Variants in OSBPL8 observed in about 807,000 individuals in gnomAD.
The protein encoded by OSBPL8 is oxysterol-binding protein-related protein 8.
OSBPL8 carries 59 observed loss-of-function variants against 125.5 expected under a neutral mutation model. The ratio of observed to expected loss-of-function variants is 0.47; its 90% CI spans 0.38 to 0.58. OSBPL8 has a LOEUF of 0.58. OSBPL8 is among the 20% of genes least tolerant of loss of function. OSBPL8 has a pLI of 0.00. For synonymous variants in OSBPL8, 330 were observed against 338.9 expected, an observed-to-expected ratio of 0.97 and a Z score of 0.29; for missense variants, 758 against 1,047.8, an observed-to-expected ratio of 0.72 and a Z score of 3.82.
intron 1 of OSBPL8, among the ~76,000 whole-genome samples, chr12:76,535,055 G>A (rs1247262785): frequency 2.0e-5 from 3 of 148,380 alleles, no homozygotes; most frequent in Non-Finnish European, 4.5e-5. Context: ...ATAAAAATGG[G>A]AAAATAAAAA....
chr12:76,534,139 A>G (rs1950426070), intron 1 of OSBPL8: 1 of 152,212 alleles, frequency 6.6e-6, no homozygotes. Flanking sequence ...GTAGTCAGAA[A>G]CAAAATTAAA....
chr12:76,511,287 A>T (rs1298118927), intron 1 of OSBPL8, among the ~76,000 whole-genome samples: 2 of 152,284 alleles, frequency 1.3e-5, no homozygotes, highest in Middle Eastern at 3.4e-3. Flanking sequence ...GTCAAATAGT[A>T]GTTCTGCTTT....
chr12:76,404,800 C>T (rs1459465917), intron 5 of OSBPL8, among the ~76,000 whole-genome samples: 1 of 152,146 alleles, frequency 6.6e-6, no homozygotes, highest in African/African-American at 2.4e-5. Flanking sequence ...CAACAGTACA[C>T]AATTACAGTA....
intron 4 of OSBPL8, among the ~76,000 whole-genome samples, chr12:76,434,131 G>C (rs1206532450): frequency 1.3e-5 from 2 of 152,006 alleles, no homozygotes; most frequent in East Asian, 1.9e-4. Context: ...TAATCAAAAT[G>C]GTATAGCATT....
chr12:76,436,820 C>T (rs952351856), intron 4 of OSBPL8, among the ~76,000 whole-genome samples: 1 of 152,082 alleles, frequency 6.6e-6, no homozygotes, highest in African/African-American at 2.4e-5. Context: ...ATAAATACCT[C>T]CCACTCTTCC....
intron 3 of OSBPL8, among the ~76,000 whole-genome samples, chr12:76,451,214 G>A (rs1873370340): frequency 6.6e-6 from 1 of 151,958 alleles, no homozygotes; most frequent in South Asian, 2.1e-4. Flanking sequence ...ACAAATTATA[G>A]ACATTATAAT....
chr12:76,531,294 T>C (rs1193074118), intron 1 of OSBPL8, among the ~76,000 whole-genome samples: 2 of 152,210 alleles, frequency 1.3e-5, no homozygotes, highest in African/African-American at 4.8e-5. Flanking sequence ...ACAAGTTGTG[T>C]TACTTAAGTG....
At chr12:76,514,397 C>T (rs571139090) in intron 1 of OSBPL8, among the ~76,000 whole-genome samples, 18 of 151,642 alleles carry the variant, frequency 1.2e-4, no homozygotes, top group Admixed American at 2.6e-4. Context: ...GTGATCTACC[C>T]GCTTCAGCCT....
chr12:76,482,985 G>A (rs917880010), intron 2 of OSBPL8, among the ~76,000 whole-genome samples: 4 of 152,154 alleles, frequency 2.6e-5, no homozygotes, highest in Non-Finnish European at 4.4e-5. Flanking sequence ...TATTGGGCAG[G>A]GCACGGTGGC....
In OSBPL8 at chr12:76,410,603, T is replaced by C. The variant is rs1415323854; in HGVS notation, c.249A>G (p.Gln83=). ...GFERGKEDIS[Q]NKDESSLSMS... Reference sequence around the variant, plus strand: ...TAGAAAGTGAAGATTCATCTTTATTTTGAGAAATATCTTCCTTCCCTCTTT... The same window carrying C: ...TAGAAAGTGAAGATTCATCTTTATTCTGAGAAATATCTTCCTTCCCTCTTT... The change falls in exon 5 of 24, where the codon CAA becomes CAG. Residue 83 remains glutamine, a synonymous_variant. Coordinates refer to ENST00000261183, the MANE Select transcript of OSBPL8 (RefSeq NM_020841.5). The C allele has an allele frequency of 3.1e-6, 5 of 1,607,164 alleles. No homozygotes were observed. The African/African-American group carries it at 6.7e-5, about 21-fold the overall frequency.
chr12:76,407,312 C>T lies in OSBPL8; in HGVS notation c.288+3252G>A, dbSNP rs956613275. On this transcript the variant is annotated intron_variant, in intron 5 of 23. Transcript: ENST00000261183. Reference sequence around the variant, plus strand: ...TGTCTCTCAGGCCAGAGTGCAGTGGCGCAAACATGGCTCACTTTCAGCGTC... The same window carrying T: ...TGTCTCTCAGGCCAGAGTGCAGTGGTGCAAACATGGCTCACTTTCAGCGTC... Among the ~76,000 whole-genome samples, 46 of 152,272 alleles carry T rather than the reference C, an allele frequency of 3.0e-4. 1 individual carries two copies. The highest frequency in any genetic ancestry group is 8.3e-4 in the South Asian group (4 of 4,822).
chr12:76,408,863 G>A (rs1461669357), intron 5 of OSBPL8, among the ~76,000 whole-genome samples: 1 of 152,082 alleles, frequency 6.6e-6, no homozygotes, highest in Non-Finnish European at 1.5e-5. Flanking sequence ...CCCTTAAAGG[G>A]TACACATAGA....
At chr12:76,403,752 T>C (rs1954143302) in intron 5 of OSBPL8, among the ~76,000 whole-genome samples, 1 of 152,180 alleles carries the variant, frequency 6.6e-6, no homozygotes, top group African/African-American at 2.4e-5. Context: ...CTTTCAAATG[T>C]TGAGCGGCCA....
chr12:76,390,398 T>C (rs1382584431), intron 11 of OSBPL8, 22 bp downstream of exon 11: 3 of 1,509,444 alleles, frequency 2.0e-6, no homozygotes, highest in Middle Eastern at 1.7e-4. Context: ...ATCCAGAACC[T>C]CTAAAAATAG....
chr12:76,392,658 G>A lies in OSBPL8; in HGVS notation c.852C>T (p.Ser284=), dbSNP rs1188139887. 8.7e-6 allele frequency: 14 copies of A among 1,613,872 alleles called. No homozygotes were observed. Among genetic ancestry groups the A allele is most frequent in the Admixed American group, 8.3e-5 (5 of 59,994 alleles). Residue 284 remains serine, a synonymous_variant, in exon 10 of 24, where the codon AGC becomes AGT. Coordinates refer to ENST00000261183, the MANE Select transcript of OSBPL8 (RefSeq NM_020841.5). The stretch of plus-strand genomic sequence containing the variant: ...TCACATGTGTGCTATCTGATGAAAC[G>A]CTCAGGTCATGTTCCTTTCCTTCTC... ...MIREGKEHDL[S]VSSDSTHVTF... is the part of the protein sequence containing the mutation.
chr12:76,513,291 G>A lies in OSBPL8; in HGVS notation c.-67-25673C>T, dbSNP rs775151802. On this transcript the variant is annotated intron_variant, in intron 1 of 23. Transcript: ENST00000261183. The stretch of plus-strand genomic sequence containing the variant: ...TTGTATTGCACTGTGGTCCAAGAGC[G>A]TGTTTGGTATGATTTTGGTTCGTTT... Among the ~76,000 whole-genome samples, 17 of 151,442 alleles carry A rather than the reference G, an allele frequency of 1.1e-4. No homozygotes were observed. In the East Asian group the frequency reaches 1.4e-3, roughly 12 times the overall value.
rs532808160 is a variant in OSBPL8, at chr12:76,376,573, G to A, written c.1730-1203C>T. On this transcript the variant is annotated intron_variant, in intron 16 of 23. Transcript: ENST00000261183. ...TTTTCCCTATTGTAAGCTAAGTAGC[G>A]CATGGATATCTACATGGAATATAGT... Among the ~76,000 whole-genome samples, 92 of 152,136 alleles carry A rather than the reference G, an allele frequency of 6.0e-4. No individual in the cohort carries two copies. The South Asian group carries it at 0.017, about 28-fold the overall frequency.
chr12:76,396,932 A>G (rs540423123), intron 8 of OSBPL8, among the ~76,000 whole-genome samples: 2 of 152,140 alleles, frequency 1.3e-5, no homozygotes, highest in African/African-American at 4.8e-5. Flanking sequence ...CTCCCACCGC[A>G]GACTCCTGAA....
intron 2 of OSBPL8, among the ~76,000 whole-genome samples, chr12:76,472,350 C>T (rs1015447083): frequency 3.3e-5 from 5 of 152,202 alleles, no homozygotes; most frequent in Admixed American, 2.6e-4. Context: ...CACATATTTT[C>T]TATTCTGCTA....
Sources: gnomAD v4.1 joint callset for allele counts (sites outside exome capture counted in the v4.1 genomes callset) on GRCh38, gnomAD v4.1.1 for gene constraint, MANE v1.5 for transcripts, NCBI Gene and HGNC (gene_info 2026-07-23, HGNC 2026-07-21) for gene names.